The following FAM3D variants were observed in gnomAD, a reference collection of about 807,000 sequenced individuals.
The protein encoded by FAM3D is FAM3 metabolism regulating signaling molecule D, also known as protein FAM3D.
FAM3D carries 26 observed loss-of-function variants against 29.8 expected under a neutral mutation model. The observed-to-expected ratio is 0.87, with a 90% CI of 0.64 to 1.21. The LOEUF (loss-of-function observed/expected upper bound fraction) is 1.21, where lower values mean the gene tolerates loss of function less well. Ranked by LOEUF, FAM3D falls within the 50% of genes most tolerant of loss-of-function variation. The pLI, the probability that FAM3D is intolerant of heterozygous loss-of-function variation, is 0.00. For missense variants in FAM3D, 253 were observed against 290.9 expected (o/e 0.87, Z 0.95); for synonymous variants, 115 against 102.3 (o/e 1.12, Z -0.75).
At chr3:58,646,275 G>T (rs1328373490) in intron 4 of FAM3D, among the ~76,000 whole-genome samples, 8 of 152,342 alleles carry the variant, frequency 5.3e-5, no homozygotes, top group African/African-American at 1.7e-4. Context: ...CAGGCAGACG[G>T]TTCCGGTTCT....
In FAM3D at chr3:58,635,119, G is replaced by A. The variant is rs1176145827; in HGVS notation, c.586-751C>T. ...GAGCCCAGGAGGTCGAGGCTGCAGTGAGCCGAGATTGTGCCACTGCACTCC... is the reference window on the plus strand; with the variant it reads ...GAGCCCAGGAGGTCGAGGCTGCAGTAAGCCGAGATTGTGCCACTGCACTCC... On this transcript the variant is annotated intron_variant, in intron 9 of 9. Coordinates refer to ENST00000358781, the MANE Select transcript of FAM3D (RefSeq NM_138805.3). This position sits in a 1 kb window ranked among gnomAD's most constrained non-coding sequence, Gnocchi z 5.2. Among the ~76,000 whole-genome samples, 1 of 152,170 alleles carries A rather than the reference G, an allele frequency of 6.6e-6. No individual in the cohort carries two copies. The highest frequency in any genetic ancestry group is 1.5e-5 in the Non-Finnish European group (1 of 68,028).
chr3:58,634,949 G>A lies in FAM3D; in HGVS notation c.586-581C>T, dbSNP rs2066119892. Among the ~76,000 whole-genome samples the A allele has an allele frequency of 5.9e-5, 9 of 152,248 alleles. No individual in the cohort carries two copies. The South Asian group carries it at 1.9e-3, about 32-fold the overall frequency. Reference sequence around the variant, plus strand: ...CCAGCACTTTGGGAGGGTAAGGAAGGAGGGTCACTTGAGGCCAGGAGTTCA... The same window carrying A: ...CCAGCACTTTGGGAGGGTAAGGAAGAAGGGTCACTTGAGGCCAGGAGTTCA... On this transcript the variant is annotated intron_variant, in intron 9 of 9. Transcript: ENST00000358781. The surrounding 1 kb of genome is among the most constrained non-coding windows in gnomAD (Gnocchi z 4.6).
intron 1 of FAM3D, among the ~76,000 whole-genome samples, chr3:58,656,452 C>G (rs1299213446): frequency 6.6e-6 from 1 of 152,120 alleles, no homozygotes; most frequent in African/African-American, 2.4e-5. Context: ...AGGGTTGAAA[C>G]CAAAGTTTTC....
intron 1 of FAM3D, among the ~76,000 whole-genome samples, chr3:58,661,626 G>T (rs749356595): frequency 3.3e-4 from 50 of 152,232 alleles, no homozygotes; most frequent in Non-Finnish European, 6.0e-4. Context: ...TGGTGGCTAA[G>T]AGTGGGGGCT....
chr3:58,661,566 C>T (rs1205823111), intron 1 of FAM3D, among the ~76,000 whole-genome samples: 1 of 152,176 alleles, frequency 6.6e-6, no homozygotes, highest in Non-Finnish European at 1.5e-5. Flanking sequence ...TTGCACCCTT[C>T]GACTTTGCAG....
In FAM3D at chr3:58,649,324, T is replaced by C; in HGVS notation, c.136A>G (p.Lys46Glu). ...LPRWLAASPT[K>E]EIQVKKYKCG... ...CTGCACAGATACTCACGGATCTCCTTGGTGGGCGAGGCTGCTGGAGAGAAG... is the reference window on the plus strand; with the variant it reads ...CTGCACAGATACTCACGGATCTCCTCGGTGGGCGAGGCTGCTGGAGAGAAG... Residue 46 changes from lysine to glutamate, a missense_variant, in exon 4 of 10, where the codon AAG becomes GAG. Transcript: ENST00000358781. The C allele has an allele frequency of 1.2e-6, 2 of 1,612,394 alleles. No individual in the cohort carries two copies. Among genetic ancestry groups the C allele is most frequent in the Non-Finnish European group, 1.7e-6 (2 of 1,179,486 alleles).
chr3:58,647,709 G>C (rs1226099383), intron 4 of FAM3D, among the ~76,000 whole-genome samples: 1 of 152,204 alleles, frequency 6.6e-6, no homozygotes, highest in Non-Finnish European at 1.5e-5. Context: ...CAGGAGATTT[G>C]CTCTCTGGGT....
At chr3:58,647,886 C>A (rs1327928945) in intron 4 of FAM3D, among the ~76,000 whole-genome samples, 1 of 152,242 alleles carries the variant, frequency 6.6e-6, no homozygotes, top group East Asian at 1.9e-4. Context: ...TGCTCTGTGG[C>A]TTGCCAGAAA....
intron 6 of FAM3D, among the ~76,000 whole-genome samples, chr3:58,642,023 C>T (rs1378153425): frequency 1.3e-5 from 2 of 152,186 alleles, no homozygotes; most frequent in African/African-American, 4.8e-5. Context: ...TATGCTGAGG[C>T]TCCTACAGTC....
rs750582030 is a variant in FAM3D, at chr3:58,635,635, C to A, written c.585+659G>T. Among the ~76,000 whole-genome samples, 1 of 152,186 alleles carries A rather than the reference C, an allele frequency of 6.6e-6. No homozygotes were observed. Among genetic ancestry groups the A allele is most frequent in the Non-Finnish European group, 1.5e-5 (1 of 68,026 alleles). ...CCACAGGACATTCGGGAACCACACC[C>A]GGCCGCCCCCGCCCACCGGCCTCCT... On this transcript the variant is annotated intron_variant, in intron 9 of 9. Coordinates refer to ENST00000358781, the MANE Select transcript of FAM3D (RefSeq NM_138805.3). The surrounding 1 kb of genome is among the most constrained non-coding windows in gnomAD (Gnocchi z 5.2).
At chr3:58,651,941 G>T (rs542460183) in intron 3 of FAM3D, among the ~76,000 whole-genome samples, 1 of 152,252 alleles carries the variant, frequency 6.6e-6, no homozygotes, top group Non-Finnish European at 1.5e-5. Context: ...ACAAGGTAAG[G>T]GATCGCAGAC....
At chr3:58,636,530 G>T in intron 8 of FAM3D, 110 bp from the exon 9 acceptor site, 2 of 1,459,814 alleles carry the variant, frequency 1.4e-6, no homozygotes, top group Non-Finnish European at 1.8e-6. Context: ...TTCAGCATCT[G>T]CCCTGGGGGT....
At chr3:58,638,913 C>T (rs900873) in intron 7 of FAM3D, among the ~76,000 whole-genome samples, 150,747 of 152,342 alleles carry the variant, frequency 0.99, 74,604 homozygotes, top group East Asian at 1. Context: ...GCAGATATTA[C>T]GGTCTGGTGC....
chr3:58,647,320 C>CAACT (rs1434697565), intron 4 of FAM3D, among the ~76,000 whole-genome samples: 1 of 152,176 alleles, frequency 6.6e-6, no homozygotes, highest in African/African-American at 2.4e-5. Flanking sequence ...GGGGGTGGAC[C>CAACT]AACTCCCCTT....
chr3:58,656,342 C>T (rs990403644), intron 1 of FAM3D, among the ~76,000 whole-genome samples: 1 of 152,148 alleles, frequency 6.6e-6, no homozygotes, highest in African/African-American at 2.4e-5. Context: ...AGGGTGAGAG[C>T]CAGAATTTGG....
chr3:58,648,852 C>T lies in FAM3D; in HGVS notation c.145+463G>A, dbSNP rs148461793. Among the ~76,000 whole-genome samples, 258 of 152,334 alleles carry T rather than the reference C, an allele frequency of 1.7e-3. 1 individual carries two copies. The highest frequency in any genetic ancestry group is 2.7e-3 in the Non-Finnish European group (181 of 68,028). On this transcript the variant is annotated intron_variant, in intron 4 of 9. Transcript: ENST00000358781. ...TGGCATTTCCACCCCAACAGACAAT[C>T]AGCACCCACTTCTGTTTGTCTCTGG...
Position 58,634,497 on chromosome 3 carries a change from A to T in FAM3D, c.586-129T>A. On this transcript the variant is annotated intron_variant, in intron 9 of 9. Transcript: ENST00000358781. The surrounding 1 kb of genome is among the most constrained non-coding windows in gnomAD (Gnocchi z 4.6). ...TTATTAACCCACTTCACAGATGGGG[A>T]AACTGAGGCTCAGAGAGGGGATGCA... is the stretch of plus-strand genomic sequence containing the variant. 1.3e-6 allele frequency: 1 copy of T among 748,148 alleles called. No individual in the cohort carries two copies. Among genetic ancestry groups the T allele is most frequent in the Non-Finnish European group, 2.1e-6 (1 of 465,446 alleles). 46.3% of individuals were successfully genotyped at this position (748,148 alleles called of 1,614,324 possible).
chr3:58,652,756 T>C (rs2066676540), intron 3 of FAM3D, among the ~76,000 whole-genome samples: 1 of 151,830 alleles, frequency 6.6e-6, no homozygotes, highest in African/African-American at 2.4e-5. Context: ...TGCCCATTCA[T>C]CTGTCCATCT....
intron 3 of FAM3D, among the ~76,000 whole-genome samples, chr3:58,650,104 C>T (rs1203083736): frequency 1.3e-5 from 2 of 152,266 alleles, no homozygotes; most frequent in African/African-American, 4.8e-5. Flanking sequence ...CTAGTTGTTT[C>T]TGTGGTTCTA....
Sources: allele counts gnomAD v4.1 joint callset (sites outside exome capture counted in the v4.1 genomes callset), GRCh38; gene constraint gnomAD v4.1.1; non-coding constraint Gnocchi (gnomAD v3.1); transcripts MANE v1.5; gene names NCBI Gene and HGNC (gene_info 2026-07-23, HGNC 2026-07-21).